The following AP2A2 variants were observed in gnomAD, a reference collection of about 807,000 sequenced individuals.
AP2A2 encodes the protein AP-2 complex subunit alpha-2.
Under a neutral mutation model 104.2 loss-of-function variants are expected in AP2A2, and 32 were observed. The ratio of observed to expected loss-of-function variants is 0.31; its 90% CI spans 0.23 to 0.41. The LOEUF is 0.41. Among genes scored for constraint, AP2A2 ranks in the 10% least tolerant of loss-of-function variants. The pLI, the probability that AP2A2 is intolerant of heterozygous loss-of-function variation, is 1.00. For synonymous variants in AP2A2, 539 were observed against 533.3 expected, an observed-to-expected ratio of 1.01 and a Z score of -0.15; for missense variants, 912 against 1,261.0, an observed-to-expected ratio of 0.72 and a Z score of 4.19.
intron 6 of AP2A2, among the ~76,000 whole-genome samples, chr11:983,626 G>T (rs78721871): frequency 1.3e-5 from 2 of 151,552 alleles, no homozygotes; most frequent in Admixed American, 6.6e-5. Flanking sequence ...CTTGTGATCC[G>T]CCCGCCTTGG....
At chr11:962,498 T>C (rs1854474631) in intron 2 of AP2A2, among the ~76,000 whole-genome samples, 1 of 152,152 alleles carries the variant, frequency 6.6e-6, no homozygotes, top group Non-Finnish European at 1.5e-5. Flanking sequence ...TGTGGGAGGC[T>C]GAGGCGGGCG....
At chr11:983,476 G>A (rs907742428) in intron 6 of AP2A2, among the ~76,000 whole-genome samples, 3 of 151,862 alleles carry the variant, frequency 2.0e-5, no homozygotes, top group Non-Finnish European at 4.4e-5. Flanking sequence ...TCCGCCTCCT[G>A]GGTTCACGCC....
At chr11:979,665 G>A (rs151002138) in intron 5 of AP2A2, among the ~76,000 whole-genome samples, 2 of 152,156 alleles carry the variant, frequency 1.3e-5, no homozygotes, top group Non-Finnish European at 2.9e-5. Context: ...GGGTTCAGGC[G>A]ATTGTCCTGC....
intron 1 of AP2A2, among the ~76,000 whole-genome samples, chr11:949,858 A>G (rs1424069196): frequency 1.3e-5 from 2 of 152,210 alleles, no homozygotes; most frequent in Non-Finnish European, 2.9e-5. Flanking sequence ...TTAACATCTG[A>G]AAATCAATCC....
At chr11:982,558 C>T (rs565888008) in intron 6 of AP2A2, among the ~76,000 whole-genome samples, 1 of 151,932 alleles carries the variant, frequency 6.6e-6, no homozygotes, top group South Asian at 2.1e-4. Context: ...GTACTCTTCA[C>T]ATTAAAGAAG....
intron 1 of AP2A2, among the ~76,000 whole-genome samples, chr11:954,722 G>GTT (rs1564791180): frequency 1.3e-5 from 2 of 150,666 alleles, no homozygotes. Flanking sequence ...GTGTGTATTT[G>GTT]GTGTGTGTGT....
At chr11:941,600 T>G (rs1442738046) in intron 1 of AP2A2, among the ~76,000 whole-genome samples, 2 of 151,754 alleles carry the variant, frequency 1.3e-5, no homozygotes. Context: ...ATTCTTTTTT[T>G]TTTTTGAGAT....
At chr11:1,005,087 ATGT>A (rs1465602954) in intron 16 of AP2A2, among the ~76,000 whole-genome samples, 1 of 152,216 alleles carries the variant, frequency 6.6e-6, no homozygotes, top group East Asian at 1.9e-4. Flanking sequence ...AACAGCCCAG[ATGT>A]TCATGGGTGG....
intron 1 of AP2A2, chr11:946,769 T>TTAAAAAAAAAAAAAA (rs1564786507): frequency 2.5e-5 from 1 of 40,778 alleles, no homozygotes; most frequent in Non-Finnish European, 6.6e-5. Flanking sequence ...AGATCCTGTC[T>TTAAAAAAAAAAAAAA]CAAAAAAAAA....
At chr11:941,003 C>G (rs1250132210) in intron 1 of AP2A2, 1 of 444,110 alleles carries the variant, frequency 2.3e-6, no homozygotes, top group Non-Finnish European at 4.5e-6. Context: ...GCCCCTTGCT[C>G]CACACTCCGT....
At chr11:977,024 G>A (rs980107183) in intron 4 of AP2A2, 71 bp from the exon 5 acceptor site, 4 of 1,583,398 alleles carry the variant, frequency 2.5e-6, no homozygotes, top group Non-Finnish European at 3.4e-6. Context: ...TGCTGGCTCT[G>A]GGGGGGTGCT....
chr11:933,675 A>G, intron 1 of AP2A2: 1 of 456,142 alleles, frequency 2.2e-6, no homozygotes, highest in Non-Finnish European at 4.4e-6. Context: ...AGTGTGAGGC[A>G]GTGAGATGCC....
intron 4 of AP2A2, 55 bp downstream of exon 4, chr11:972,310 A>C: frequency 6.8e-7 from 1 of 1,465,412 alleles, no homozygotes; most frequent in Non-Finnish European, 9.1e-7. Flanking sequence ...TTTCATGCCA[A>C]ATACATCAAA....
At position 993,689 on chromosome 11, in the gene AP2A2, G is replaced by A. The variant is rs972433384; in HGVS notation, c.1551-65G>A. On this transcript the variant is annotated intron_variant, in intron 12 of 21. Coordinates refer to ENST00000448903, the MANE Select transcript of AP2A2 (RefSeq NM_012305.4). This position sits in a 1 kb window ranked among gnomAD's most constrained non-coding sequence, Gnocchi z 8.2. ...GGGGTCTCGCCGCCGTCCCCCCCCC[G>A]CGGGGGCGTGCTGCAGCCTGCGAGG... 32 of 1,284,068 alleles carry A rather than the reference G, an allele frequency of 2.5e-5. No homozygotes were observed. The highest frequency in any genetic ancestry group is 7.7e-5 in the East Asian group (3 of 39,150). 79.5% of individuals were successfully genotyped at this position (1,284,068 alleles called of 1,614,324 possible).
chr11:990,990 G>T (rs565372389), intron 10 of AP2A2, among the ~76,000 whole-genome samples: 1 of 121,930 alleles, frequency 8.2e-6, no homozygotes, highest in African/African-American at 3.2e-5. Context: ...GCTCCCCTCC[G>T]TCCTTTTAGC....
intron 1 of AP2A2, among the ~76,000 whole-genome samples, chr11:945,622 T>G (rs1853806652): frequency 1.3e-5 from 2 of 151,998 alleles, no homozygotes; most frequent in Non-Finnish European, 2.9e-5. Context: ...CATGAGCTAA[T>G]GCATCCAGCC....
rs556183953 is a variant in AP2A2 at position 951,475 on chromosome 11, C to T, written c.68-7962C>T. On this transcript the variant is annotated intron_variant, in intron 1 of 21. Transcript: ENST00000448903. ...CTGGGAGGTGGAGGTTGCAGTGAGC[C>T]GAGATCGTGCCACCACACTCCAGCC... 2.6e-3 allele frequency among the ~76,000 whole-genome samples: 388 copies of T among 151,924 alleles called. 3 individuals carry two copies. Among genetic ancestry groups the T allele is most frequent in the Non-Finnish European group, 4.6e-3 (311 of 67,990 alleles).
At chr11:980,599 G>A (rs1855203453) in intron 5 of AP2A2, among the ~76,000 whole-genome samples, 3 of 152,184 alleles carry the variant, frequency 2.0e-5, no homozygotes, top group Admixed American at 2.0e-4. Context: ...TGTGCCCTGG[G>A]ATCTGAATCT....
intron 2 of AP2A2, among the ~76,000 whole-genome samples, chr11:960,942 A>T (rs1007756247): frequency 6.6e-6 from 1 of 152,268 alleles, no homozygotes; most frequent in African/African-American, 2.4e-5. Flanking sequence ...TACAGGCGTG[A>T]GCCTCTGCGC....
Sources: allele counts gnomAD v4.1 joint callset (sites outside exome capture counted in the v4.1 genomes callset), GRCh38; gene constraint gnomAD v4.1.1; non-coding constraint Gnocchi (gnomAD v3.1); transcripts MANE v1.5; gene names NCBI Gene and HGNC (gene_info 2026-07-23, HGNC 2026-07-21).